BCKDHB: variants seen among roughly 807,000 people sequenced by gnomAD.
BCKDHB encodes branched chain keto acid dehydrogenase E1 subunit beta.
BCKDHB carries 41 observed loss-of-function variants against 48.5 expected under a neutral mutation model. The observed-to-expected ratio is 0.85, with a 90% confidence interval of 0.66 to 1.10. BCKDHB has a LOEUF of 1.10. Ranked by LOEUF, BCKDHB falls within the 50% of genes least tolerant of loss-of-function variation. BCKDHB has a pLI of 0.00. For missense variants in BCKDHB, 496 were observed against 494.2 expected (o/e 1.00, Z -0.03); for synonymous variants, 201 against 174.8 (o/e 1.15, Z -1.18).
intron 6 of BCKDHB, among the ~76,000 whole-genome samples, chr6:80,173,341 G>A (rs1450236297): frequency 6.6e-6 from 1 of 152,024 alleles, no homozygotes; most frequent in Non-Finnish European, 1.5e-5. Flanking sequence ...GACTCCCAGG[G>A]GCTCAATAGA....
intron 1 of BCKDHB, among the ~76,000 whole-genome samples, chr6:80,113,899 T>C (rs1769545904): frequency 6.6e-6 from 1 of 152,152 alleles, no homozygotes; most frequent in Admixed American, 6.5e-5. Flanking sequence ...AATGTCTAAT[T>C]GGTCATAGAA....
At position 80,344,001 on chromosome 6, in the gene BCKDHB, TGTTG is replaced by T. The variant is rs1343321013; in HGVS notation, c.*198_*201del. The T allele has an allele frequency of 3.3e-5, 1 of 30,214 alleles. No homozygotes were observed. The allele number at this position is 30,214 out of a possible 1,614,324, so 1.9% of individuals were successfully genotyped here. A position where few individuals can be genotyped will look rare whatever the true frequency, so the allele number is the denominator to read the frequency against. On this transcript the variant is annotated 3_prime_UTR_variant, in exon 10 of 10. Coordinates refer to ENST00000320393, the MANE Select transcript of BCKDHB (RefSeq NM_183050.4). ...ATTTATAGTAGTATATTTACATTTT[TGTTG>T]TTGTTGTTGTTCTGAGATGGAGTCT...
the BCKDHB span, among the ~76,000 whole-genome samples, chr6:80,373,540 T>G: frequency 6.6e-6 from 1 of 152,174 alleles, no homozygotes; most frequent in African/African-American, 2.4e-5. Flanking sequence ...GGTATGAGCT[T>G]AGATTGTCTT....
At chr6:80,202,074 G>T (rs1368617413) in intron 7 of BCKDHB, among the ~76,000 whole-genome samples, 1 of 151,830 alleles carries the variant, frequency 6.6e-6, no homozygotes, top group Non-Finnish European at 1.5e-5. Context: ...TCCACTTTTT[G>T]ATCCACATCT....
intron 9 of BCKDHB, among the ~76,000 whole-genome samples, chr6:80,328,385 A>T (rs1256720416): frequency 1.3e-5 from 2 of 152,336 alleles, no homozygotes; most frequent in East Asian, 3.9e-4. Flanking sequence ...CACCTAGTTG[A>T]TAACAGATTC....
chr6:80,207,302 G>A (rs1562136990), intron 8 of BCKDHB, among the ~76,000 whole-genome samples: 4 of 151,852 alleles, frequency 2.6e-5, no homozygotes, highest in African/African-American at 9.7e-5. Flanking sequence ...ATATTCTGTT[G>A]TTCTAGGATT....
chr6:80,452,388 C>A, the BCKDHB span, among the ~76,000 whole-genome samples: 1 of 152,078 alleles, frequency 6.6e-6, no homozygotes, highest in Non-Finnish European at 1.5e-5. Flanking sequence ...TGGTAACCTT[C>A]ATAACAGAAA....
At chr6:80,359,266 T>C in the BCKDHB span, among the ~76,000 whole-genome samples, 11 of 152,152 alleles carry the variant, frequency 7.2e-5, no homozygotes, top group Admixed American at 7.2e-4. Flanking sequence ...GTTCTCCTCG[T>C]AGGAGGGCAG....
chr6:80,190,934 A>G (rs989285391), intron 6 of BCKDHB, among the ~76,000 whole-genome samples: 8 of 152,156 alleles, frequency 5.3e-5, no homozygotes, highest in African/African-American at 1.2e-4. Flanking sequence ...GTTGTTCCAC[A>G]GTGTAGATGG....
intron 9 of BCKDHB, among the ~76,000 whole-genome samples, chr6:80,333,081 A>G (rs1367015100): frequency 6.6e-6 from 1 of 152,224 alleles, no homozygotes; most frequent in East Asian, 1.9e-4. Context: ...TGGACTTGAC[A>G]TAAACATGCA....
chr6:80,385,615 T>C, the BCKDHB span, among the ~76,000 whole-genome samples: 1 of 152,184 alleles, frequency 6.6e-6, no homozygotes, highest in African/African-American at 2.4e-5. Context: ...TGATGGCCTC[T>C]CCTGAGGCCG....
chr6:80,112,115 A>G (rs967656038), intron 1 of BCKDHB, among the ~76,000 whole-genome samples: 3 of 152,230 alleles, frequency 2.0e-5, no homozygotes, highest in East Asian at 1.9e-4. Flanking sequence ...TTATAAGCCA[A>G]TCTGATAGAC....
At chr6:80,400,200 G>T in the BCKDHB span, among the ~76,000 whole-genome samples, 2 of 152,028 alleles carry the variant, frequency 1.3e-5, no homozygotes, top group African/African-American at 4.8e-5. Flanking sequence ...GATGTGAAAA[G>T]CAATTGCGAC....
At chr6:80,310,474 T>G (rs1235155934) in intron 9 of BCKDHB, among the ~76,000 whole-genome samples, 1 of 152,258 alleles carries the variant, frequency 6.6e-6, no homozygotes, top group Non-Finnish European at 1.5e-5. Context: ...GGTTTATATG[T>G]ACCACATTTT....
intron 6 of BCKDHB, 47 bp downstream of exon 6, chr6:80,171,437 T>A (rs752642468): frequency 2.6e-6 from 3 of 1,145,298 alleles, no homozygotes; most frequent in Non-Finnish European, 3.8e-6. Flanking sequence ...TTATATACTT[T>A]GTTTTTTATA....
At chr6:80,107,443 GTGTATA>G (rs1769147862) in intron 1 of BCKDHB, among the ~76,000 whole-genome samples, 1 of 138,692 alleles carries the variant, frequency 7.2e-6, no homozygotes, top group Admixed American at 7.1e-5. Context: ...GTGTGTGTGT[GTGTATA>G]TATCCACACA....
the BCKDHB span, among the ~76,000 whole-genome samples, chr6:80,365,781 A>G: frequency 1.4e-4 from 21 of 152,208 alleles, no homozygotes; most frequent in African/African-American, 5.1e-4. Flanking sequence ...AAGAAATTAT[A>G]AAAGTATTAT....
chr6:80,421,623 A>G, the BCKDHB span, among the ~76,000 whole-genome samples: 1 of 152,190 alleles, frequency 6.6e-6, no homozygotes, highest in Admixed American at 6.5e-5. Context: ...ATGGTCTCAG[A>G]TGGAACTTAT....
Position 80,127,525 on chromosome 6 carries a change from A to AT in BCKDHB, c.197-12dup, listed in dbSNP as rs201800966. The AT allele has an allele frequency of 0.071, 103,888 of 1,458,684 alleles. 1,140 individuals carry two copies. Among genetic ancestry groups the AT allele is most frequent in the Middle Eastern group, 0.15 (862 of 5,630 alleles). The allele number at this position is 1,458,684 out of a possible 1,614,324, so 90.4% of individuals were successfully genotyped here. A position where few individuals can be genotyped will look rare whatever the true frequency, so the allele number is the denominator to read the frequency against. On this transcript the variant is annotated intron_variant, in intron 1 of 9. Transcript: ENST00000320393. The stretch of plus-strand genomic sequence containing the variant: ...TATGTATTTTACAACACACGAAATG[A>AT]TTTTTTTTTTGATTTTCACAGGGCA...
Sources: allele counts gnomAD v4.1 joint callset (sites outside exome capture counted in the v4.1 genomes callset), GRCh38; gene constraint gnomAD v4.1.1; transcripts MANE v1.5; gene names NCBI Gene and HGNC (gene_info 2026-07-23, HGNC 2026-07-21).